DHX9: variants seen among roughly 807,000 people sequenced by gnomAD.
DHX9 encodes ATP-dependent RNA helicase A.
A neutral mutation model predicts 148.7 loss-of-function variants in DHX9; 27 were observed. The ratio of observed to expected loss-of-function variants is 0.18; its 90% CI spans 0.13 to 0.25. The LOEUF is 0.25. Ranked by LOEUF, DHX9 falls within the 10% of genes least tolerant of loss-of-function variation. DHX9 has a pLI of 1.00. For synonymous variants in DHX9, 529 were observed against 516.6 expected (o/e 1.02, Z -0.33); for missense variants, 796 against 1,559.6 (o/e 0.51, Z 8.25).
At chr1:182,841,068 G>A (rs916963148) in intron 1 of DHX9, among the ~76,000 whole-genome samples, 5 of 152,098 alleles carry the variant, frequency 3.3e-5, no homozygotes, top group Non-Finnish European at 5.9e-5. Flanking sequence ...GAGGCGGGCC[G>A]ATCAAGAGGT....
chr1:182,845,916 C>T (rs934524700), intron 3 of DHX9, among the ~76,000 whole-genome samples: 1 of 152,232 alleles, frequency 6.6e-6, no homozygotes, highest in Non-Finnish European at 1.5e-5. Flanking sequence ...GAACCTCCAC[C>T]TGTTCGGCCA....
chr1:182,866,936 TTTA>T (rs764849765), intron 13 of DHX9, 22 bp from the exon 14 acceptor site: 2 of 1,582,424 alleles, frequency 1.3e-6, no homozygotes, highest in Admixed American at 1.8e-5. Flanking sequence ...TTTTCTATAG[TTTA>T]TTGATTGTTT....
chr1:182,847,651 T>C (rs998541355), intron 3 of DHX9, among the ~76,000 whole-genome samples: 2 of 152,202 alleles, frequency 1.3e-5, no homozygotes, highest in African/African-American at 4.8e-5. Flanking sequence ...CAGCTTTGCT[T>C]TCCCTGAACT....
At chr1:182,879,850 C>T (rs1011690435) in intron 21 of DHX9, among the ~76,000 whole-genome samples, 2 of 151,792 alleles carry the variant, frequency 1.3e-5, no homozygotes, top group Non-Finnish European at 2.9e-5. Flanking sequence ...CTCAGCCTCC[C>T]GAGTAGCTGA....
At chr1:182,852,977 A>C (rs1338934043) in intron 4 of DHX9, among the ~76,000 whole-genome samples, 2 of 98,254 alleles carry the variant, frequency 2.0e-5, no homozygotes, top group Non-Finnish European at 3.5e-5. Flanking sequence ...CCCAGACTGG[A>C]GTGCAGTGGT....
At chr1:182,860,375 T>A (rs1242394345) in intron 12 of DHX9, 191 bp downstream of exon 12, 3 of 405,284 alleles carry the variant, frequency 7.4e-6, no homozygotes, top group Non-Finnish European at 1.3e-5. Context: ...TAAGCTAAAC[T>A]GGACTATGTG....
intron 14 of DHX9, among the ~76,000 whole-genome samples, chr1:182,870,650 A>G (rs1276110288): frequency 6.6e-6 from 1 of 152,246 alleles, no homozygotes; most frequent in Non-Finnish European, 1.5e-5. Context: ...TCAATTCCAT[A>G]TAGATTGAGA....
intron 24 of DHX9, 142 bp from the exon 25 acceptor site, chr1:182,882,997 C>A: frequency 2.0e-5 from 11 of 545,424 alleles, no homozygotes; most frequent in Admixed American, 3.1e-5. Flanking sequence ...TGTAAGGATT[C>A]TGAGAAGAGA....
Position 182,858,900 on chromosome 1 carries a change from T to C in DHX9, c.1062+6T>C. 6.2e-7 allele frequency: 1 copy of C among 1,613,762 alleles called. No individual in the cohort carries two copies. Among genetic ancestry groups the C allele is most frequent in the Non-Finnish European group, 8.5e-7 (1 of 1,179,876 alleles). ...ATGAGGGGCCTCTGGCTTTTGTGAG[T>C]GCAATATTGTTTTTGAGATCAGAGT... is the stretch of plus-strand genomic sequence containing the variant. On this transcript the variant is annotated splice_donor_region_variant and intron_variant, in intron 10 of 27. Transcript: ENST00000367549.
rs530055359 is a variant in DHX9, at chr1:182,887,033, G to A, written c.3462-50G>A. 4 of 1,546,774 alleles carry A rather than the reference G, an allele frequency of 2.6e-6. No homozygotes were observed. The African/African-American group carries it at 5.5e-5, about 21-fold the overall frequency. On this transcript the variant is annotated intron_variant, in intron 27 of 27. Coordinates refer to ENST00000367549, the MANE Select transcript of DHX9 (RefSeq NM_001357.5). The stretch of plus-strand genomic sequence containing the variant: ...AATGTGTACATTTGGTAAGTCGTTG[G>A]GAAATAATAAGAATGCTTTGCTAAA...
chr1:182,840,553 C>T (rs1367610380), intron 1 of DHX9, among the ~76,000 whole-genome samples: 2 of 152,156 alleles, frequency 1.3e-5, no homozygotes, highest in Non-Finnish European at 2.9e-5. Context: ...CTGCCTTGGC[C>T]TACCAAAGTG....
At chr1:182,841,877 G>T (rs1172441590) in intron 1 of DHX9, among the ~76,000 whole-genome samples, 1 of 152,172 alleles carries the variant, frequency 6.6e-6, no homozygotes. Context: ...CTAAAGGAGA[G>T]ATTTGGTATA....
chr1:182,859,771 C>T (rs918603127), intron 11 of DHX9, among the ~76,000 whole-genome samples: 1 of 152,114 alleles, frequency 6.6e-6, no homozygotes, highest in Admixed American at 6.6e-5. Flanking sequence ...CCCCACCACA[C>T]CTGGCTAATT....
chr1:182,853,823 A>G (rs539817417), intron 5 of DHX9, among the ~76,000 whole-genome samples: 6 of 152,264 alleles, frequency 3.9e-5, no homozygotes, highest in Non-Finnish European at 8.8e-5. Context: ...TTTAAATGCA[A>G]TGTATTAACT....
chr1:182,879,465 G>C, intron 21 of DHX9, 55 bp downstream of exon 21: 1 of 1,349,458 alleles, frequency 7.4e-7, no homozygotes, highest in South Asian at 2.3e-5. Flanking sequence ...CATCTGTCTT[G>C]TTCTGGCAGA....
chr1:182,872,507 G>A lies in DHX9; in HGVS notation c.1714+14G>A. The A allele has an allele frequency of 6.2e-7, 1 of 1,609,394 alleles. No homozygotes were observed. Among genetic ancestry groups the A allele is most frequent in the Non-Finnish European group, 8.5e-7 (1 of 1,177,960 alleles). ...ACCCAGTTCAAGGTAATATTGTGGG[G>A]GTGGTATAGGAACATCTTTTGTGCA... is the stretch of plus-strand genomic sequence containing the variant. On this transcript the variant is annotated intron_variant, in intron 15 of 27. Coordinates refer to ENST00000367549, the MANE Select transcript of DHX9 (RefSeq NM_001357.5).
intron 16 of DHX9, 103 bp from the exon 17 acceptor site, chr1:182,875,947 A>T (rs1261088321): frequency 1.4e-5 from 12 of 874,984 alleles, no homozygotes; most frequent in Non-Finnish European, 1.8e-5. Context: ...AACTAGAATA[A>T]ATAATGACAT....
At chr1:182,841,272 C>G (rs556679573) in intron 1 of DHX9, among the ~76,000 whole-genome samples, 1 of 151,016 alleles carries the variant, frequency 6.6e-6, no homozygotes, top group African/African-American at 2.5e-5. Flanking sequence ...GCCTGAGCGA[C>G]AGAACGAGAC....
Position 182,852,363 on chromosome 1 carries a change from T to A in DHX9, c.364+19T>A, listed in dbSNP as rs760121218. 1.1e-5 allele frequency: 17 copies of A among 1,530,860 alleles called. No individual in the cohort carries two copies. In the Admixed American group the frequency reaches 1.5e-4, roughly 13 times the overall value. The allele number at this position is 1,530,860 out of a possible 1,614,324, so 94.8% of individuals were successfully genotyped here. On this transcript the variant is annotated intron_variant, in intron 4 of 27. Transcript: ENST00000367549. ...AAAGCAGGTAAGGGACTTGAATCCA[T>A]GCACGTGGTGGAGAATAAGATATAC...
Sources: gnomAD v4.1 joint callset for allele counts (sites outside exome capture counted in the v4.1 genomes callset) on GRCh38, gnomAD v4.1.1 for gene constraint, MANE v1.5 for transcripts, NCBI Gene and HGNC (gene_info 2026-07-23, HGNC 2026-07-21) for gene names.